The following LRP1B variants were observed in gnomAD, a reference collection of about 807,000 sequenced individuals.
LRP1B encodes the protein low-density lipoprotein receptor-related protein 1B.
LRP1B carries 217 observed loss-of-function variants against 556.6 expected under a neutral mutation model. That is an observed-to-expected ratio of 0.39 (90% confidence interval 0.35 to 0.44). The LOEUF (loss-of-function observed/expected upper bound fraction) is 0.44. Among genes scored for constraint, LRP1B ranks in the 20% least tolerant of loss-of-function variants. LRP1B has a pLI of 1.00. For synonymous variants in LRP1B, 2,047 were observed against 1,865.8 expected (o/e 1.10, Z -2.50); for missense variants, 5,053 against 5,620.8 (o/e 0.90, Z 3.23).
chr2:140,868,058 A>T (rs1693006802), intron 26 of LRP1B, 41 bp downstream of exon 26: 1 of 1,551,596 alleles, frequency 6.4e-7, no homozygotes, highest in Non-Finnish European at 8.7e-7. Flanking sequence ...AATATTATCT[A>T]AGTAAAAAAA....
Position 140,776,195 on chromosome 2 carries a change from T to C in LRP1B, c.5403A>G (p.Gly1801=). ...TTCTTCCGTCTCTTTTGCTGCAGGT[T>C]CCTAGCTGGGCTAAGTTTTGGTCTG... The part of the protein sequence containing the change: ...WWADQNLAQL[G]TCSKRDGRNP... Residue 1801 remains glycine, a synonymous_variant, in exon 33 of 91, where the codon GGA becomes GGG. Coordinates refer to ENST00000389484, the MANE Select transcript of LRP1B (RefSeq NM_018557.3). 6.2e-7 allele frequency: 1 copy of C among 1,602,850 alleles called. No homozygotes were observed. Among genetic ancestry groups the C allele is most frequent in the Non-Finnish European group, 8.5e-7 (1 of 1,175,072 alleles).
At chr2:141,853,822 T>G (rs1357913025) in intron 1 of LRP1B, among the ~76,000 whole-genome samples, 2 of 151,738 alleles carry the variant, frequency 1.3e-5, no homozygotes, top group Non-Finnish European at 2.9e-5. Flanking sequence ...GAGAAAAGAG[T>G]TTGAAAACTA....
chr2:140,272,329 C>T (rs1044565446), intron 85 of LRP1B, among the ~76,000 whole-genome samples: 3 of 150,808 alleles, frequency 2.0e-5, no homozygotes, highest in African/African-American at 7.3e-5. Flanking sequence ...AAGTTAATTA[C>T]TAGTTATTCA....
At chr2:141,907,709 AT>A (rs1463559485) in intron 1 of LRP1B, among the ~76,000 whole-genome samples, 2 of 152,150 alleles carry the variant, frequency 1.3e-5, no homozygotes, top group African/African-American at 4.8e-5. Flanking sequence ...CAGATAGTCA[AT>A]ATTTTAGGTT....
chr2:141,619,207 C>A (rs1451017367), intron 2 of LRP1B, among the ~76,000 whole-genome samples: 1 of 152,130 alleles, frequency 6.6e-6, no homozygotes, highest in Non-Finnish European at 1.5e-5. Flanking sequence ...AATCATAGGG[C>A]CTGATCTTGA....
chr2:140,581,404 T>C (rs1681756480), intron 43 of LRP1B, among the ~76,000 whole-genome samples: 1 of 152,250 alleles, frequency 6.6e-6, no homozygotes, highest in East Asian at 1.9e-4. Context: ...TCTCAGCACA[T>C]TTTGCTTGCA....
At position 140,767,134 on chromosome 2, in the gene LRP1B, A is replaced by T. The variant is rs1689148815; in HGVS notation, c.5758+2079T>A. Among the ~76,000 whole-genome samples, 4 of 151,926 alleles carry T rather than the reference A, an allele frequency of 2.6e-5. No individual in the cohort carries two copies. The South Asian group carries it at 8.3e-4, about 32-fold the overall frequency. ...CTCTGGTTTCTTCCAACTATGTTTC[A>T]CTGGCCTGTAGATCTCTAACCTTCT... On this transcript the variant is annotated intron_variant, in intron 35 of 90. Transcript: ENST00000389484.
intron 41 of LRP1B, among the ~76,000 whole-genome samples, chr2:140,661,589 C>T (rs1685096375): frequency 6.6e-6 from 1 of 151,812 alleles, no homozygotes; most frequent in South Asian, 2.1e-4. Flanking sequence ...ATCACTTGAG[C>T]CTGGGCAGTT....
intron 6 of LRP1B, among the ~76,000 whole-genome samples, chr2:141,206,589 A>AG (rs1467733375): frequency 6.6e-6 from 1 of 151,780 alleles, no homozygotes; most frequent in Non-Finnish European, 1.5e-5. Flanking sequence ...TCCGTCTCAA[A>AG]AAAAAAATAA....
chr2:141,441,374 G>C (rs10193178), intron 3 of LRP1B, among the ~76,000 whole-genome samples: 2,013 of 152,200 alleles, frequency 0.013, 33 homozygotes, highest in African/African-American at 0.046. Flanking sequence ...CACCACACCT[G>C]GCCAGCCCTG....
At chr2:140,350,764 T>C (rs1024465426) in intron 77 of LRP1B, 33 bp downstream of exon 77, 45 of 1,596,622 alleles carry the variant, frequency 2.8e-5, no homozygotes, top group Non-Finnish European at 3.7e-5. Context: ...GGAAAAGGTA[T>C]GGACTTTCAA....
At position 140,754,912 on chromosome 2, in the gene LRP1B, A is replaced by T. The variant is rs558050370; in HGVS notation, c.5758+14301T>A. On this transcript the variant is annotated intron_variant, in intron 35 of 90. Transcript: ENST00000389484. Reference sequence around the variant, plus strand: ...CTGAAAAGATCAACAAATTTGACAAATCTGTAGCTAGACTAACAAAGGCAA... The same window carrying T: ...CTGAAAAGATCAACAAATTTGACAATTCTGTAGCTAGACTAACAAAGGCAA... Among the ~76,000 whole-genome samples the T allele has an allele frequency of 2.0e-5, 3 of 152,130 alleles. No homozygotes were observed. The South Asian group carries it at 6.2e-4, about 32-fold the overall frequency.
chr2:140,406,141 T>A (rs1684725757), intron 66 of LRP1B, among the ~76,000 whole-genome samples: 1 of 152,110 alleles, frequency 6.6e-6, no homozygotes, highest in African/African-American at 2.4e-5. Context: ...AAATCTAACA[T>A]TGGTTTATGA....
At chr2:140,897,139 T>C (rs1693977556) in intron 23 of LRP1B, among the ~76,000 whole-genome samples, 1 of 152,212 alleles carries the variant, frequency 6.6e-6, no homozygotes, top group Non-Finnish European at 1.5e-5. Flanking sequence ...TGAAATATAC[T>C]TTTACTTTTC....
At chr2:141,382,153 T>C (rs184129164) in intron 3 of LRP1B, among the ~76,000 whole-genome samples, 1 of 152,318 alleles carries the variant, frequency 6.6e-6, no homozygotes, top group Non-Finnish European at 1.5e-5. Context: ...TGTCTTGGCA[T>C]AGCGGCTCAT....
At chr2:141,336,248 C>G (rs1687846510) in intron 3 of LRP1B, among the ~76,000 whole-genome samples, 2 of 151,994 alleles carry the variant, frequency 1.3e-5, no homozygotes, top group Admixed American at 1.3e-4. Flanking sequence ...GGTGATGTTC[C>G]CCAGAATTAT....
chr2:142,030,457 T>G (rs1367494564), intron 1 of LRP1B, among the ~76,000 whole-genome samples: 2 of 151,940 alleles, frequency 1.3e-5, no homozygotes, highest in Non-Finnish European at 2.9e-5. Flanking sequence ...AAATGATAAA[T>G]GGCCCTAGAA....
intron 2 of LRP1B, among the ~76,000 whole-genome samples, chr2:141,576,811 C>A (rs1463411383): frequency 7.2e-6 from 1 of 138,244 alleles, no homozygotes; most frequent in Non-Finnish European, 1.6e-5. Context: ...ATACTCAGGT[C>A]TTTTCTTTTT....
At chr2:140,770,285 G>A (rs976886764) in intron 34 of LRP1B, among the ~76,000 whole-genome samples, 3 of 151,736 alleles carry the variant, frequency 2.0e-5, no homozygotes. Flanking sequence ...TACATATATA[G>A]ATATATAGAT....
Sources: allele counts gnomAD v4.1 joint callset (sites outside exome capture counted in the v4.1 genomes callset), GRCh38; gene constraint gnomAD v4.1.1; transcripts MANE v1.5; gene names NCBI Gene and HGNC (gene_info 2026-07-23, HGNC 2026-07-21).